Variants in TRIP12 observed in about 807,000 individuals in gnomAD.
The protein encoded by TRIP12 is E3 ubiquitin-protein ligase TRIP12.
TRIP12 carries 25 observed loss-of-function variants against 244.2 expected under a neutral mutation model. The observed-to-expected ratio is 0.10, with a 90% CI of 0.07 to 0.14. The LOEUF (loss-of-function observed/expected upper bound fraction) is 0.14, where lower values mean the gene tolerates loss of function less well. Among genes scored for constraint, TRIP12 ranks in the 10% least tolerant of loss-of-function variants. The probability of loss-of-function intolerance (pLI) is 1.00; values close to 1 mark genes in which losing one functional copy is unlikely to be tolerated. For missense variants in TRIP12, 1,677 were observed against 2,486.4 expected, an observed-to-expected ratio of 0.67 and a Z score of 6.92; for synonymous variants, 905 against 873.1, an observed-to-expected ratio of 1.04 and a Z score of -0.64.
At chr2:229,865,070 G>A (rs1322944963) in intron 2 of TRIP12, among the ~76,000 whole-genome samples, 1 of 152,068 alleles carries the variant, frequency 6.6e-6, no homozygotes, top group Non-Finnish European at 1.5e-5. Flanking sequence ...CACTTTGGAA[G>A]GTTGAAAGCA....
At chr2:229,823,738 A>G (rs1320568898) in intron 8 of TRIP12, among the ~76,000 whole-genome samples, 1 of 151,978 alleles carries the variant, frequency 6.6e-6, no homozygotes, top group African/African-American at 2.4e-5. Context: ...CTGTAACCCC[A>G]GCAACTTAGA....
At chr2:229,919,557 T>C (rs1380098557) in intron 1 of TRIP12, among the ~76,000 whole-genome samples, 2 of 152,250 alleles carry the variant, frequency 1.3e-5, no homozygotes, top group East Asian at 3.8e-4. Flanking sequence ...TACTTTAGTT[T>C]AGCACCTTCT....
intron 4 of TRIP12, among the ~76,000 whole-genome samples, chr2:229,841,974 G>A (rs1200253199): frequency 2.0e-5 from 3 of 152,168 alleles, no homozygotes; most frequent in Non-Finnish European, 4.4e-5. Context: ...ACTTGGGATG[G>A]TCTTTACAGC....
chr2:229,891,402 G>A (rs1420597515), intron 1 of TRIP12, among the ~76,000 whole-genome samples: 3 of 152,060 alleles, frequency 2.0e-5, no homozygotes, highest in Admixed American at 1.3e-4. Context: ...TCTAACCTGG[G>A]CGACAGAGCG....
intron 1 of TRIP12, among the ~76,000 whole-genome samples, chr2:229,880,989 T>G (rs879778021): frequency 6.6e-6 from 1 of 152,146 alleles, no homozygotes; most frequent in Non-Finnish European, 1.5e-5. Flanking sequence ...AGTATCTTAC[T>G]GAAAAGATGA....
intron 23 of TRIP12, 96 bp downstream of exon 23, chr2:229,798,779 A>C (rs2043449712): frequency 7.6e-7 from 1 of 1,307,594 alleles, no homozygotes; most frequent in Non-Finnish European, 1.1e-6. Flanking sequence ...TGCTGTGTCT[A>C]TGTATCGTCT....
chr2:229,867,236 G>A (rs891171969), intron 2 of TRIP12, among the ~76,000 whole-genome samples: 8 of 146,092 alleles, frequency 5.5e-5, no homozygotes, highest in African/African-American at 2.0e-4. Flanking sequence ...CATGATCTCA[G>A]CTCACTGCAA....
Position 229,879,999 on chromosome 2 carries a change from G to T in TRIP12, c.81C>A (p.Asp27Glu), listed in dbSNP as rs1238833588. The T allele has an allele frequency of 1.2e-6, 2 of 1,613,904 alleles. No individual in the cohort carries two copies. The highest frequency in any genetic ancestry group is 1.7e-6 in the Non-Finnish European group (2 of 1,179,980). Residue 27 changes from aspartate (D) to glutamate (E), a missense_variant, in exon 2 of 42, where the codon GAC (aspartate) becomes GAA (glutamate). This residue lies in a region of TRIP12 where 387 missense variants were observed against 392.6 expected (regional missense o/e 0.99). Coordinates refer to ENST00000675903, the MANE Select transcript of TRIP12 (RefSeq NM_001348323.3). Reference sequence around the variant, plus strand: ...ATACATACCTTCCTCCTATTGAGTCGTCTTGTGGTTGGGCCCCGGCAGTGT... The same window carrying T: ...ATACATACCTTCCTCCTATTGAGTCTTCTTGTGGTTGGGCCCCGGCAGTGT... ...QRNTAGAQPQDDSIGGRSHLG... is the reference protein window; with the variant it reads ...QRNTAGAQPQEDSIGGRSHLG...
chr2:229,918,204 T>C (rs1224402742), intron 1 of TRIP12, among the ~76,000 whole-genome samples: 1 of 152,226 alleles, frequency 6.6e-6, no homozygotes, highest in Non-Finnish European at 1.5e-5. Context: ...ACATCCTTTA[T>C]CTTCTATGTT....
intron 4 of TRIP12, among the ~76,000 whole-genome samples, chr2:229,842,866 GTT>G (rs2056779603): frequency 6.6e-6 from 1 of 152,082 alleles, no homozygotes; most frequent in African/African-American, 2.4e-5. Flanking sequence ...AGACTTCACT[GTT>G]TCTTTTACAC....
At chr2:229,880,196 G>C in intron 1 of TRIP12, 68 bp from the exon 2 acceptor site, 1 of 969,928 alleles carries the variant, frequency 1.0e-6, no homozygotes, top group Non-Finnish European at 1.5e-6. Context: ...GAAATGAGGG[G>C]AACTTACGGT....
chr2:229,808,202 G>A (rs763820182), intron 16 of TRIP12, 50 bp downstream of exon 16: 5 of 1,360,434 alleles, frequency 3.7e-6, no homozygotes, highest in Admixed American at 3.4e-5. Context: ...TCCTGACCTC[G>A]TGATTCACCC....
chr2:229,865,482 A>T (rs1194879069), intron 2 of TRIP12, among the ~76,000 whole-genome samples: 1 of 152,030 alleles, frequency 6.6e-6, no homozygotes, highest in African/African-American at 2.4e-5. Flanking sequence ...CACAGCTTAT[A>T]TGATATGCAT....
Position 229,858,969 on chromosome 2 carries a change from C to T in TRIP12, c.830G>A (p.Arg277His), listed in dbSNP as rs749529404. 15 of 1,614,194 alleles carry T rather than the reference C, an allele frequency of 9.3e-6. No homozygotes were observed. The highest frequency in any genetic ancestry group is 3.3e-5 in the Admixed American group (2 of 60,028). ...TCTGGGGCTGGGACTGGACGCTGAA[C>T]GGGAACGCCTGGCCTTGTTCTGATC... ...GKDQNKARRSRSASSPSPRRS... is the reference protein window; with the variant it reads ...GKDQNKARRSHSASSPSPRRS... The change falls in exon 4 of 42, where the codon CGT (arginine) becomes CAT (histidine). Residue 277 changes from arginine (R) to histidine (H), a missense_variant. By Grantham distance (29) the Arg-to-His change is conservative. This residue lies in a region of TRIP12 where 387 missense variants were observed against 392.6 expected (regional missense o/e 0.99). Coordinates refer to ENST00000675903, the MANE Select transcript of TRIP12 (RefSeq NM_001348323.3).
intron 17 of TRIP12, among the ~76,000 whole-genome samples, chr2:229,806,826 C>CT (rs761382779): frequency 6.6e-6 from 1 of 152,024 alleles, no homozygotes. Flanking sequence ...TAGAAGGCAC[C>CT]TTTAAAGAAG....
At chr2:229,800,891 C>T (rs1019341970) in intron 21 of TRIP12, among the ~76,000 whole-genome samples, 5 of 151,854 alleles carry the variant, frequency 3.3e-5, no homozygotes, top group Non-Finnish European at 7.4e-5. Context: ...GAGCAAGACC[C>T]CATGCTGTGT....
intron 31 of TRIP12, 109 bp downstream of exon 31, chr2:229,789,502 T>A (rs912767902): frequency 7.4e-7 from 1 of 1,342,932 alleles, no homozygotes; most frequent in African/African-American, 1.5e-5. Flanking sequence ...TGTACTTTAC[T>A]GGGCTAGGAG....
At chr2:229,835,603 G>A (rs2054598975) in intron 6 of TRIP12, among the ~76,000 whole-genome samples, 1 of 152,156 alleles carries the variant, frequency 6.6e-6, no homozygotes, top group African/African-American at 2.4e-5. Flanking sequence ...TCATACCTCA[G>A]CAGGTTGTTT....
intron 2 of TRIP12, among the ~76,000 whole-genome samples, chr2:229,863,845 T>A (rs2060880276): frequency 6.6e-6 from 1 of 152,218 alleles, no homozygotes; most frequent in African/African-American, 2.4e-5. Context: ...CCTTCAACTT[T>A]AGTTTTTATT....
Sources: allele counts gnomAD v4.1 joint callset (sites outside exome capture counted in the v4.1 genomes callset), GRCh38; gene constraint gnomAD v4.1.1; regional missense constraint gnomAD v4.1.1; transcripts MANE v1.5; gene names NCBI Gene and HGNC (gene_info 2026-07-23, HGNC 2026-07-21).